Variants in FBXO16 observed in about 807,000 individuals in gnomAD.
The protein encoded by FBXO16 is F-box protein 16.
A neutral mutation model predicts 41.0 loss-of-function variants in FBXO16; 31 were observed. The observed-to-expected ratio is 0.76, with a 90% confidence interval of 0.57 to 1.02. The LOEUF (loss-of-function observed/expected upper bound fraction) is 1.02. Among genes scored for constraint, FBXO16 ranks in the 50% least tolerant of loss-of-function variants. The pLI, the probability that FBXO16 is intolerant of heterozygous loss-of-function variation, is 0.00. For missense variants in FBXO16, 361 were observed against 346.2 expected (o/e 1.04, Z -0.34); for synonymous variants, 133 against 117.8 (o/e 1.13, Z -0.84).
In FBXO16 at chr8:28,466,891, T is replaced by G. The variant is rs77659165; in HGVS notation, c.136-3073A>C. Among the ~76,000 whole-genome samples the G allele has an allele frequency of 7.2e-5, 11 of 152,260 alleles. No individual in the cohort carries two copies. The East Asian group carries it at 2.1e-3, about 29-fold the overall frequency. On this transcript the variant is annotated intron_variant, in intron 3 of 8. Coordinates refer to ENST00000380254, the MANE Select transcript of FBXO16 (RefSeq NM_172366.4). ...TGTGAGTTTTGAACTGGATCTCCTGTTTTCCTTGAAAGAGACAAAATGAAG... is the reference window on the plus strand; with the variant it reads ...TGTGAGTTTTGAACTGGATCTCCTGGTTTCCTTGAAAGAGACAAAATGAAG...
intron 2 of FBXO16, among the ~76,000 whole-genome samples, chr8:28,481,909 A>G (rs761913796): frequency 6.6e-6 from 1 of 152,064 alleles, no homozygotes; most frequent in Non-Finnish European, 1.5e-5. Context: ...GGGATGAGGT[A>G]ATGTCTCCCT....
chr8:28,463,059 T>C (rs557850308), intron 4 of FBXO16, among the ~76,000 whole-genome samples: 22 of 152,316 alleles, frequency 1.4e-4, no homozygotes, highest in African/African-American at 5.3e-4. Context: ...GAGTTCTAAA[T>C]AGAGTTGGAC....
At chr8:28,430,684 T>C (rs1036094842) in intron 7 of FBXO16, among the ~76,000 whole-genome samples, 1 of 152,130 alleles carries the variant, frequency 6.6e-6, no homozygotes, top group Non-Finnish European at 1.5e-5. Flanking sequence ...ATAATACCTG[T>C]TGAATGGCCA....
intron 2 of FBXO16, among the ~76,000 whole-genome samples, chr8:28,477,844 T>C (rs1445388829): frequency 6.6e-6 from 1 of 151,996 alleles, no homozygotes; most frequent in Non-Finnish European, 1.5e-5. Context: ...GCCTTTTCTC[T>C]AATAAAAACA....
chr8:28,472,903 C>T (rs1232118757), intron 3 of FBXO16, among the ~76,000 whole-genome samples: 1 of 152,196 alleles, frequency 6.6e-6, no homozygotes, highest in Non-Finnish European at 1.5e-5. Flanking sequence ...GATCACTTAA[C>T]TCTTGACCCT....
At chr8:28,476,707 T>A (rs1803428689) in intron 2 of FBXO16, among the ~76,000 whole-genome samples, 1 of 152,196 alleles carries the variant, frequency 6.6e-6, no homozygotes, top group Admixed American at 6.5e-5. Context: ...GTGACATCAT[T>A]ACAATGTAGG....
At chr8:28,484,766 T>C (rs1205820555) in intron 1 of FBXO16, among the ~76,000 whole-genome samples, 1 of 152,002 alleles carries the variant, frequency 6.6e-6, no homozygotes, top group Non-Finnish European at 1.5e-5. Context: ...TAATATTTTT[T>C]GTATTTTTAG....
chr8:28,476,857 T>C (rs776280607), intron 2 of FBXO16, among the ~76,000 whole-genome samples: 5 of 152,234 alleles, frequency 3.3e-5, no homozygotes, highest in Non-Finnish European at 7.3e-5. Flanking sequence ...TCCTTTCTTT[T>C]AAAAAACTGT....
chr8:28,430,042 T>C (rs928683161), intron 7 of FBXO16, among the ~76,000 whole-genome samples: 5 of 152,200 alleles, frequency 3.3e-5, no homozygotes, highest in African/African-American at 7.2e-5. Context: ...CCAATGAGGC[T>C]GCAAACTCCC....
intron 3 of FBXO16, chr8:28,465,452 A>G (rs1047206377): frequency 2.7e-4 from 123 of 449,516 alleles, no homozygotes; most frequent in African/African-American, 2.3e-3. Flanking sequence ...CCATCTGCAC[A>G]AAAAAATAAA....
chr8:28,470,172 C>T (rs887106417), intron 3 of FBXO16, among the ~76,000 whole-genome samples: 14 of 151,164 alleles, frequency 9.3e-5, no homozygotes, highest in Non-Finnish European at 1.9e-4. Flanking sequence ...CCAGCCTGGG[C>T]GACAGAGCAA....
At chr8:28,486,232 T>C (rs1585925117) in intron 1 of FBXO16, among the ~76,000 whole-genome samples, 1 of 27,500 alleles carries the variant, frequency 3.6e-5, no homozygotes, top group Admixed American at 4.4e-4. Context: ...CTTCTTCTTC[T>C]TTTTTTTTTT....
At chr8:28,452,561 G>C in intron 5 of FBXO16, 85 bp from the exon 6 acceptor site, 1 of 1,342,550 alleles carries the variant, frequency 7.4e-7, no homozygotes, top group Non-Finnish European at 1.0e-6. Context: ...AGCACTTTGG[G>C]AGGCCAAGGC....
intron 2 of FBXO16, among the ~76,000 whole-genome samples, chr8:28,481,060 C>T (rs1803503478): frequency 6.6e-6 from 1 of 151,588 alleles, no homozygotes; most frequent in Admixed American, 6.6e-5. Flanking sequence ...CTCGGGGGCC[C>T]CGAGCCGGGC....
chr8:28,438,026 A>G (rs1254938197), intron 7 of FBXO16, among the ~76,000 whole-genome samples: 1 of 152,194 alleles, frequency 6.6e-6, no homozygotes, highest in African/African-American at 2.4e-5. Context: ...GTGGAAACTG[A>G]CTATAAGGGC....
intron 5 of FBXO16, among the ~76,000 whole-genome samples, chr8:28,452,998 G>C (rs113161756): frequency 6.6e-6 from 1 of 151,854 alleles, no homozygotes; most frequent in African/African-American, 2.4e-5. Flanking sequence ...TCATCATCAC[G>C]ATCACCATTA....
chr8:28,435,671 C>T (rs1015882993), intron 7 of FBXO16, among the ~76,000 whole-genome samples: 5 of 152,036 alleles, frequency 3.3e-5, no homozygotes, highest in Non-Finnish European at 5.9e-5. Context: ...AGCAAAGACA[C>T]CATTCAAAGG....
intron 7 of FBXO16, among the ~76,000 whole-genome samples, chr8:28,437,780 G>A (rs1802708115): frequency 6.6e-6 from 1 of 152,150 alleles, no homozygotes; most frequent in East Asian, 1.9e-4. Context: ...GGCTAAGGCA[G>A]GAAGATCACT....
At chr8:28,460,245 A>ATATATATT (rs1477457728) in intron 4 of FBXO16, among the ~76,000 whole-genome samples, 3 of 85,438 alleles carry the variant, frequency 3.5e-5, no homozygotes, top group Non-Finnish European at 2.0e-5. Flanking sequence ...ATATATATAT[A>ATATATATT]TTTTTTTTTT....
Sources: gnomAD v4.1 joint callset for allele counts (sites outside exome capture counted in the v4.1 genomes callset) on GRCh38, gnomAD v4.1.1 for gene constraint, MANE v1.5 for transcripts, NCBI Gene and HGNC (gene_info 2026-07-23, HGNC 2026-07-21) for gene names.